The following FASTKD1 variants were observed in gnomAD, a reference collection of about 807,000 sequenced individuals.
FASTKD1 encodes FAST kinase domains 1.
In FASTKD1, 94 loss-of-function variants were observed where a neutral mutation model predicts 90.9. The ratio of observed to expected loss-of-function variants is 1.03; its 90% CI spans 0.88 to 1.23. The LOEUF (loss-of-function observed/expected upper bound fraction) is 1.23. Ranked by LOEUF, FASTKD1 falls within the 50% of genes most tolerant of loss-of-function variation. FASTKD1 has a pLI of 0.00. For synonymous variants in FASTKD1, 319 were observed against 345.8 expected, an observed-to-expected ratio of 0.92 and a Z score of 0.86; for missense variants, 945 against 993.5, an observed-to-expected ratio of 0.95 and a Z score of 0.66.
In FASTKD1 at chr2:169,537,247, G is replaced by GT; in HGVS notation, c.2167dup (p.Thr723AsnfsTer10). The GT allele has an allele frequency of 3.1e-6, 5 of 1,609,954 alleles. No individual in the cohort carries two copies. The highest frequency in any genetic ancestry group is 4.2e-6 in the Non-Finnish European group (5 of 1,176,766). Reference sequence around the variant, plus strand: ...CTTACCTACTTTGTGGTAATAAGGCGTAAGAACCGAGGCTTTTACACAATT... The same window carrying GT: ...CTTACCTACTTTGTGGTAATAAGGCGTTAAGAACCGAGGCTTTTACACAATT... On this transcript the variant is annotated frameshift_variant, in exon 12 of 15. Coordinates refer to ENST00000453153, the MANE Select transcript of FASTKD1 (RefSeq NM_024622.6). LOFTEE classifies it high-confidence loss of function.
rs369647886 is a variant in FASTKD1 at position 169,538,163 on chromosome 2, T to C, written c.1946-22A>G. On this transcript the variant is annotated intron_variant, in intron 10 of 14. Coordinates refer to ENST00000453153, the MANE Select transcript of FASTKD1 (RefSeq NM_024622.6). ...AAAACTGAAATTAATAAAATACTAA[T>C]GAATTTTGATAGCTGAGACCTAGGA... 1.6e-5 allele frequency: 26 copies of C among 1,578,868 alleles called. No individual in the cohort carries two copies. In the Middle Eastern group the frequency reaches 5.1e-4, roughly 31 times the overall value.
chr2:169,557,603 C>T (rs536827042), intron 5 of FASTKD1, among the ~76,000 whole-genome samples: 30 of 152,232 alleles, frequency 2.0e-4, no homozygotes, highest in African/African-American at 7.0e-4. Context: ...TTATAAAATA[C>T]TATGATTCAG....
At chr2:169,541,391 TG>T (rs1034628567) in intron 9 of FASTKD1, among the ~76,000 whole-genome samples, 25 of 152,338 alleles carry the variant, frequency 1.6e-4, no homozygotes, top group African/African-American at 6.0e-4. Context: ...AACACATGAC[TG>T]AACAACCAGG....
rs746536028 is a variant in FASTKD1, at chr2:169,571,940, T to C, written c.90A>G (p.Gln30=). The C allele has an allele frequency of 1.4e-5, 23 of 1,613,962 alleles. 1 individual carries two copies. In the African/African-American group the frequency reaches 2.3e-4, roughly 16 times the overall value. The change falls in exon 2 of 15, where the codon CAA becomes CAG. Residue 30 remains glutamine, a synonymous_variant. Coordinates refer to ENST00000453153, the MANE Select transcript of FASTKD1 (RefSeq NM_024622.6). ...AICPFSWRVF[Q]FRPISCEPLI... The stretch of plus-strand genomic sequence containing the variant: ...GTGGTTCACAACTGATGGGTCGAAA[T>C]TGAAACACTCTCCAGGAGAATGGAC...
intron 7 of FASTKD1, among the ~76,000 whole-genome samples, chr2:169,551,103 C>A (rs977285480): frequency 5.3e-5 from 8 of 152,112 alleles, no homozygotes; most frequent in Admixed American, 1.3e-4. Context: ...GAGCACTGTC[C>A]TGGGTTATAG....
intron 12 of FASTKD1, among the ~76,000 whole-genome samples, chr2:169,534,092 G>A (rs1172792740): frequency 6.8e-6 from 1 of 147,848 alleles, no homozygotes; most frequent in Non-Finnish European, 1.5e-5. Context: ...AATCACTTGA[G>A]CTCTGGAGGC....
chr2:169,561,213 G>T (rs1002560964), intron 4 of FASTKD1, among the ~76,000 whole-genome samples: 2 of 151,176 alleles, frequency 1.3e-5, no homozygotes, highest in Non-Finnish European at 1.5e-5. Context: ...CAGGAAAATC[G>T]CTTGAACCCA....
rs1308015221 is a variant in FASTKD1, at chr2:169,561,958, T to C, written c.573-1173A>G. 4.6e-5 allele frequency among the ~76,000 whole-genome samples: 6 copies of C among 131,358 alleles called. 2 individuals are homozygous for C. The highest frequency in any genetic ancestry group is 9.4e-5 in the Non-Finnish European group (6 of 63,510). The allele number at this position is 131,358 out of a possible 152,430, so 86.2% of individuals were successfully genotyped here. A position where few individuals can be genotyped will look rare whatever the true frequency, so the allele number is the denominator to read the frequency against. ...TAATTTATTATAAATTAATTATTAA[T>C]TTATTGTAAATTAATTATTCATTAA... On this transcript the variant is annotated intron_variant, in intron 4 of 14. Coordinates refer to ENST00000453153, the MANE Select transcript of FASTKD1 (RefSeq NM_024622.6).
chr2:169,542,656 G>A (rs551998373), intron 9 of FASTKD1, among the ~76,000 whole-genome samples: 4 of 152,202 alleles, frequency 2.6e-5, no homozygotes, highest in Non-Finnish European at 5.9e-5. Context: ...CTTGAGCCCA[G>A]GCATTTGATA....
intron 12 of FASTKD1, among the ~76,000 whole-genome samples, chr2:169,532,507 C>CA (rs1684536299): frequency 6.7e-6 from 1 of 149,930 alleles, no homozygotes; most frequent in African/African-American, 2.5e-5. Flanking sequence ...AGTTTTTGGC[C>CA]AAAAAGAAAA....
At position 169,560,368 on chromosome 2, in the gene FASTKD1, C is replaced by T; in HGVS notation, c.971+19G>A. 1 of 1,510,728 alleles carries T rather than the reference C, an allele frequency of 6.6e-7. No individual in the cohort carries two copies. The highest frequency in any genetic ancestry group is 8.8e-7 in the Non-Finnish European group (1 of 1,137,136). The allele number at this position is 1,510,728 out of a possible 1,614,324, so 93.6% of individuals were successfully genotyped here. A position where few individuals can be genotyped will look rare whatever the true frequency, so the allele number is the denominator to read the frequency against. ...CGTATTCACAACAAAAAAAGTAATG[C>T]ATTTTAAACTGAACTTACTGTTTCT... On this transcript the variant is annotated intron_variant, in intron 5 of 14. Coordinates refer to ENST00000453153, the MANE Select transcript of FASTKD1 (RefSeq NM_024622.6).
chr2:169,550,431 G>A (rs1280322780), intron 7 of FASTKD1, among the ~76,000 whole-genome samples: 1 of 152,084 alleles, frequency 6.6e-6, no homozygotes, highest in Non-Finnish European at 1.5e-5. Context: ...GTTGACAGTG[G>A]ATGAATGAGT....
intron 3 of FASTKD1, among the ~76,000 whole-genome samples, chr2:169,564,851 C>T (rs1330808019): frequency 2.0e-5 from 3 of 151,760 alleles, no homozygotes; most frequent in Non-Finnish European, 4.4e-5. Flanking sequence ...GCTTATTTCA[C>T]TTAACATAAT....
intron 5 of FASTKD1, among the ~76,000 whole-genome samples, chr2:169,558,232 A>C (rs1043476997): frequency 6.6e-6 from 1 of 152,138 alleles, no homozygotes; most frequent in South Asian, 2.1e-4. Context: ...GTGACAAAAA[A>C]CGGTTCCAAT....
At chr2:169,562,169 A>AT (rs1306973313) in intron 4 of FASTKD1, among the ~76,000 whole-genome samples, 1 of 147,720 alleles carries the variant, frequency 6.8e-6, no homozygotes, top group Non-Finnish European at 1.5e-5. Context: ...TTATTAATTT[A>AT]TTTTTTGGTT....
chr2:169,550,020 T>C (rs540816353), intron 7 of FASTKD1, among the ~76,000 whole-genome samples: 49 of 152,138 alleles, frequency 3.2e-4, no homozygotes, highest in Non-Finnish European at 5.6e-4. Flanking sequence ...AAGATGTGTG[T>C]TGTTATTCAT....
At chr2:169,556,396 A>T (rs1259187001) in intron 6 of FASTKD1, among the ~76,000 whole-genome samples, 1 of 149,096 alleles carries the variant, frequency 6.7e-6, no homozygotes, top group Non-Finnish European at 1.5e-5. Context: ...TGATGGCACC[A>T]CTGCACTCTA....
At position 169,546,692 on chromosome 2, in the gene FASTKD1, AT is replaced by A. The variant is rs1465302339; in HGVS notation, c.1226del (p.Asn409IlefsTer40). On this transcript the variant is annotated frameshift_variant, in exon 8 of 15. Coordinates refer to ENST00000453153, the MANE Select transcript of FASTKD1 (RefSeq NM_024622.6). LOFTEE classifies it high-confidence loss of function. ...CAGACACCTCAGTTGGTATGAAACT[AT>A]TTTTCAAATAACTGCAAAATGAAAA... ...LRELLLSYLK[N>X]SFIPTEVSVL... The A allele has an allele frequency of 1.3e-6, 2 of 1,592,904 alleles. No individual in the cohort carries two copies. Among genetic ancestry groups the A allele is most frequent in the African/African-American group, 1.4e-5 (1 of 73,700 alleles).
intron 7 of FASTKD1, 151 bp downstream of exon 7, chr2:169,554,973 G>T: frequency 1.5e-6 from 1 of 653,580 alleles, no homozygotes; most frequent in Non-Finnish European, 2.5e-6. Context: ...CTGGCAGAAT[G>T]GCCACGGAGG....
Sources: gnomAD v4.1 joint callset for allele counts (sites outside exome capture counted in the v4.1 genomes callset) on GRCh38, gnomAD v4.1.1 for gene constraint, MANE v1.5 for transcripts, NCBI Gene and HGNC (gene_info 2026-07-23, HGNC 2026-07-21) for gene names.